The following C17orf75 variants were observed in gnomAD, a reference collection of about 807,000 sequenced individuals.
C17orf75 encodes protein Njmu-R1.
In C17orf75, 32 loss-of-function variants were observed where a neutral mutation model predicts 49.6. That is an observed-to-expected ratio of 0.65 (90% CI 0.49 to 0.87). The LOEUF (loss-of-function observed/expected upper bound fraction) is 0.87. Among genes scored for constraint, C17orf75 ranks in the 40% least tolerant of loss-of-function variants. The probability of loss-of-function intolerance (pLI) is 0.00; values close to 1 mark genes in which losing one functional copy is unlikely to be tolerated. For missense variants in C17orf75, 428 were observed against 473.9 expected, an observed-to-expected ratio of 0.90 and a Z score of 0.90; for synonymous variants, 158 against 159.5, an observed-to-expected ratio of 0.99 and a Z score of 0.07.
chr17:32,343,678 G>C, upstream of C17orf75: 1 of 552,146 alleles, frequency 1.8e-6, no homozygotes, highest in South Asian at 2.2e-5. Flanking sequence ...TTACTGCCAT[G>C]TCTTCATTCG....
intron 1 of C17orf75, among the ~76,000 whole-genome samples, chr17:32,348,201 T>TGG (rs2041441514): frequency 2.0e-5 from 3 of 152,004 alleles, no homozygotes; most frequent in Middle Eastern, 3.4e-3. Context: ...TTTGGTATTT[T>TGG]TAGTAAAGAC....
intron 5 of C17orf75, 60 bp downstream of exon 5, chr17:32,337,837 G>T (rs1158417439): frequency 1.1e-5 from 16 of 1,467,924 alleles, no homozygotes; most frequent in Non-Finnish European, 1.5e-5. Flanking sequence ...GATTACAGGC[G>T]TGAGCCACTG....
chr17:32,337,439 G>A (rs944734716), intron 5 of C17orf75, among the ~76,000 whole-genome samples: 1 of 151,774 alleles, frequency 6.6e-6, no homozygotes, highest in Non-Finnish European at 1.5e-5. Flanking sequence ...CTGCAGCCTG[G>A]GCAACAAAGC....
chr17:32,331,972 G>A lies in C17orf75; in HGVS notation c.982C>T (p.Gln328Ter). ...AATCTCTTCAAATTGTTTGTGTCTTGTATGGCCTAGAAAATGATTACCCAG... is the reference window on the plus strand; with the variant it reads ...AATCTCTTCAAATTGTTTGTGTCTTATATGGCCTAGAAAATGATTACCCAG... ...VLENFKLKAI[Q>*]DTNNLKRFIR... Residue 328 changes from glutamine to a stop codon, truncating the protein, a stop_gained, in exon 10 of 10, where the codon CAA (glutamine) becomes TAA (stop). Transcript: ENST00000577809. LOFTEE classifies it high-confidence loss of function. 1 of 1,608,400 alleles carries A rather than the reference G, an allele frequency of 6.2e-7. No individual in the cohort carries two copies. Among genetic ancestry groups the A allele is most frequent in the East Asian group, 2.2e-5 (1 of 44,768 alleles).
At position 32,334,483 on chromosome 17, in the gene C17orf75, T is replaced by G; in HGVS notation, c.857A>C (p.Gln286Pro). ...VVIDCSSSQP[Q>P]FCNAGSNRFC... The stretch of plus-strand genomic sequence containing the variant: ...TTGTAGCTCACCTGCATTGCAGAAC[T>G]GAGGCTGGGAGCTGCTGCAATCGAT... The change falls in exon 8 of 10, where the codon CAG becomes CCG. Residue 286 changes from glutamine to proline, a missense_variant. Gln to Pro is a moderately conservative substitution (Grantham distance 76, BLOSUM62 -1). Transcript: ENST00000577809. The G allele has an allele frequency of 6.2e-7, 1 of 1,612,072 alleles. No individual in the cohort carries two copies. The highest frequency in any genetic ancestry group is 8.5e-7 in the Non-Finnish European group (1 of 1,179,204).
chr17:32,331,416 G>A lies in C17orf75; in HGVS notation c.*347C>T, dbSNP rs1188921786. On this transcript the variant is annotated 3_prime_UTR_variant, in exon 10 of 10. Transcript: ENST00000577809. ...GAAAAGGAAGTATTATGGTTTTTCT[G>A]AGAAGAAAAGTTGCTAAATACTGCA... The A allele has an allele frequency of 4.5e-6, 1 of 224,026 alleles. No homozygotes were observed. 13.9% of individuals were successfully genotyped at this position (224,026 alleles called of 1,614,324 possible).
rs1040787844 is a variant in C17orf75, at chr17:32,334,769, C to T, written c.734+6G>A. ...AGCTTTTCTCTTTGAAAAAACTGTT[C>T]TTTACCTGTTAATGTCTCTCTTTGT... On this transcript the variant is annotated splice_donor_region_variant and intron_variant, in intron 7 of 9. Transcript: ENST00000577809. The T allele has an allele frequency of 1.5e-5, 24 of 1,595,796 alleles. No individual in the cohort carries two copies. The highest frequency in any genetic ancestry group is 2.1e-5 in the Non-Finnish European group (24 of 1,169,630).
chr17:32,345,349 G>A (rs774544234), upstream of C17orf75, among the ~76,000 whole-genome samples: 2 of 151,234 alleles, frequency 1.3e-5, no homozygotes, highest in African/African-American at 2.4e-5. Flanking sequence ...GGTGGTGCAC[G>A]CCTGTGATCC....
chr17:32,338,250 T>C lies in C17orf75; in HGVS notation c.449A>G (p.Tyr150Cys). Residue 150 changes from tyrosine to cysteine, a missense_variant, in exon 4 of 10, where the codon TAT becomes TGT. Transcript: ENST00000577809. ...AGACCCTCCTAAAAAACAGACCACA[T>C]ATTCTGAAGGGTTACGTTCAGAGTC... ...TIDSERNPSEYVVCFLGGSEK... is the reference protein window; with the variant it reads ...TIDSERNPSECVVCFLGGSEK... 1 of 1,612,858 alleles carries C rather than the reference T, an allele frequency of 6.2e-7. No individual in the cohort carries two copies. The highest frequency in any genetic ancestry group is 8.5e-7 in the Non-Finnish European group (1 of 1,179,626).
Position 32,334,802 on chromosome 17 carries a change from T to G in C17orf75, c.707A>C (p.Asp236Ala). 1 of 1,609,228 alleles carries G rather than the reference T, an allele frequency of 6.2e-7. No homozygotes were observed. The highest frequency in any genetic ancestry group is 8.5e-7 in the Non-Finnish European group (1 of 1,177,366). Residue 236 changes from aspartate to alanine, a missense_variant, in exon 7 of 10, where the codon GAT (aspartate) becomes GCT (alanine). By Grantham distance (126) the Asp-to-Ala change is moderately radical. Coordinates refer to ENST00000577809, the MANE Select transcript of C17orf75 (RefSeq NM_022344.4). ...GTTAATGTCTCTCTTTGTTTTTTCA[T>G]CTGATTCTTTAACTTCAACAGGAGT... ...SYTPVEVKESDEKTKRDINRF... is the reference protein window; with the variant it reads ...SYTPVEVKESAEKTKRDINRF...
chr17:32,344,136 G>A (rs1597740258), upstream of C17orf75: 1 of 538,734 alleles, frequency 1.9e-6, no homozygotes, highest in Non-Finnish European at 3.3e-6. Context: ...TGCCCAGACT[G>A]AAAGCCAAAT....
intron 2 of C17orf75, 59 bp downstream of exon 2, chr17:32,341,145 G>T: frequency 6.5e-7 from 1 of 1,550,314 alleles, no homozygotes; most frequent in Non-Finnish European, 8.9e-7. Flanking sequence ...GACATGTACA[G>T]GCCAGAGATG....
intron 5 of C17orf75, 68 bp from the exon 6 acceptor site, chr17:32,335,510 C>T (rs2041316376): frequency 1.3e-6 from 2 of 1,569,032 alleles, no homozygotes; most frequent in African/African-American, 1.4e-5. Context: ...ATATTTTCTT[C>T]ATCATATCCT....
intron 3 of C17orf75, among the ~76,000 whole-genome samples, chr17:32,339,408 TA>T (rs574223196): frequency 0.05 from 5,737 of 114,834 alleles, 114 homozygotes; most frequent in African/African-American, 0.058. Context: ...ACCCCATTTC[TA>T]AAAAAAAAAA....
chr17:32,337,876 C>T (rs2041340897), intron 5 of C17orf75, 21 bp downstream of exon 5: 1 of 1,595,618 alleles, frequency 6.3e-7, no homozygotes, highest in Non-Finnish European at 8.6e-7. Flanking sequence ...TCTTTAAAAA[C>T]CATTAAGTCA....
chr17:32,344,986 T>C (rs2041414516), upstream of C17orf75, among the ~76,000 whole-genome samples: 1 of 152,166 alleles, frequency 6.6e-6, no homozygotes, highest in African/African-American at 2.4e-5. Flanking sequence ...TCTATTCTTA[T>C]CTGGATTTCT....
intron 1 of C17orf75, among the ~76,000 whole-genome samples, chr17:32,349,407 C>T (rs1013550585): frequency 6.6e-6 from 1 of 151,876 alleles, no homozygotes; most frequent in Non-Finnish European, 1.5e-5. Flanking sequence ...CATGGTGAAA[C>T]CCCATTCTAC....
chr17:32,332,803 C>T (rs919969017), intron 9 of C17orf75, among the ~76,000 whole-genome samples: 7 of 151,982 alleles, frequency 4.6e-5, no homozygotes, highest in Non-Finnish European at 7.4e-5. Context: ...GGTGACAACA[C>T]GTCCCCATCA....
At chr17:32,343,735 T>A, upstream of C17orf75, 1 of 604,526 alleles carries the variant, frequency 1.7e-6, no homozygotes, top group Non-Finnish European at 3.0e-6. Context: ...CATTGTCAGT[T>A]TCCTTATCTC....
Sources: allele counts gnomAD v4.1 joint callset (sites outside exome capture counted in the v4.1 genomes callset), GRCh38; gene constraint gnomAD v4.1.1; transcripts MANE v1.5; gene names NCBI Gene and HGNC (gene_info 2026-07-23, HGNC 2026-07-21).